Variants in BRINP1 observed in about 807,000 individuals in gnomAD.
The protein encoded by BRINP1 is BMP/retinoic acid-inducible neural-specific protein 1.
BRINP1 carries 17 observed loss-of-function variants against 72.9 expected under a neutral mutation model. The observed-to-expected ratio is 0.23, with a 90% CI of 0.16 to 0.35. The LOEUF is 0.35. Among genes scored for constraint, BRINP1 ranks in the 10% least tolerant of loss-of-function variants. BRINP1 has a pLI of 1.00. For synonymous variants in BRINP1, 418 were observed against 378.5 expected (o/e 1.10, Z -1.21); for missense variants, 850 against 1,001.6 (o/e 0.85, Z 2.04).
At chr9:119,271,506 TATTA>T (rs1246516038) in intron 2 of BRINP1, among the ~76,000 whole-genome samples, 3 of 152,132 alleles carry the variant, frequency 2.0e-5, no homozygotes, top group African/African-American at 7.2e-5. Flanking sequence ...TGTATTTATT[TATTA>T]TTTATAGGAG....
At chr9:119,238,824 G>T in intron 4 of BRINP1, 64 bp from the exon 5 acceptor site, 1 of 1,094,806 alleles carries the variant, frequency 9.1e-7, no homozygotes, top group South Asian at 1.4e-5. Flanking sequence ...ATACCCCAAA[G>T]AGTCATGCCC....
chr9:119,307,188 C>CTG, intron 2 of BRINP1, among the ~76,000 whole-genome samples: 1 of 151,768 alleles, frequency 6.6e-6, no homozygotes, highest in South Asian at 2.1e-4. Context: ...AGTTGGACAC[C>CTG]AAGAATCTCC....
intron 7 of BRINP1, among the ~76,000 whole-genome samples, chr9:119,189,868 A>G (rs1235430347): frequency 6.6e-6 from 1 of 152,106 alleles, no homozygotes; most frequent in Non-Finnish European, 1.5e-5. Flanking sequence ...AGCAGACTAT[A>G]CATTCATTTC....
At chr9:119,305,821 G>T (rs1037407328) in intron 2 of BRINP1, among the ~76,000 whole-genome samples, 1 of 152,260 alleles carries the variant, frequency 6.6e-6, no homozygotes, top group African/African-American at 2.4e-5. Context: ...TGAGGGAAGG[G>T]ATCAATGATT....
At chr9:119,337,719 A>G (rs1252110274) in intron 1 of BRINP1, among the ~76,000 whole-genome samples, 1 of 152,262 alleles carries the variant, frequency 6.6e-6, no homozygotes, top group Non-Finnish European at 1.5e-5. Context: ...TTACAGATAC[A>G]GAGCAGTTCC....
intron 2 of BRINP1, among the ~76,000 whole-genome samples, chr9:119,290,256 G>A (rs1830808511): frequency 6.6e-6 from 1 of 152,204 alleles, no homozygotes; most frequent in South Asian, 2.1e-4. Flanking sequence ...ATAAACAGTG[G>A]TGAATTATGC....
chr9:119,212,682 C>CT, intron 6 of BRINP1, among the ~76,000 whole-genome samples: 1 of 152,244 alleles, frequency 6.6e-6, no homozygotes, highest in East Asian at 1.9e-4. Flanking sequence ...GACAGGAATG[C>CT]TTTTTTGCAT....
At chr9:119,326,968 A>G (rs1831248017) in intron 1 of BRINP1, among the ~76,000 whole-genome samples, 1 of 152,156 alleles carries the variant, frequency 6.6e-6, no homozygotes, top group Non-Finnish European at 1.5e-5. Flanking sequence ...CAAGAGAAGC[A>G]TGTGAAATGG....
At chr9:119,346,642 G>A (rs1831455767) in intron 1 of BRINP1, among the ~76,000 whole-genome samples, 1 of 152,124 alleles carries the variant, frequency 6.6e-6, no homozygotes, top group South Asian at 2.1e-4. Flanking sequence ...AATTCCAACA[G>A]GCAGAGATTG....
chr9:119,292,786 A>G (rs775872027), intron 2 of BRINP1, among the ~76,000 whole-genome samples: 1 of 152,210 alleles, frequency 6.6e-6, no homozygotes, highest in South Asian at 2.1e-4. Flanking sequence ...ACACTCAATG[A>G]TGAGGGTTTT....
At chr9:119,317,269 G>T (rs1447072126) in intron 1 of BRINP1, among the ~76,000 whole-genome samples, 1 of 152,048 alleles carries the variant, frequency 6.6e-6, no homozygotes, top group Non-Finnish European at 1.5e-5. Flanking sequence ...AATATCAACG[G>T]TAACAGGAGT....
intron 5 of BRINP1, among the ~76,000 whole-genome samples, chr9:119,234,770 TATG>T (rs1196811367): frequency 1.3e-5 from 2 of 152,198 alleles, no homozygotes; most frequent in African/African-American, 2.4e-5. Context: ...ACTAGGAGAA[TATG>T]ATACTTCCTC....
chr9:119,352,324 T>C (rs1056825201), intron 1 of BRINP1, among the ~76,000 whole-genome samples: 1 of 152,228 alleles, frequency 6.6e-6, no homozygotes, highest in Non-Finnish European at 1.5e-5. Context: ...GTGCTACATA[T>C]GTATTTTTTT....
In BRINP1 at chr9:119,168,074, C is replaced by G; in HGVS notation, c.1296G>C (p.Gly432=). 1 of 1,610,354 alleles carries G rather than the reference C, an allele frequency of 6.2e-7. No individual in the cohort carries two copies. The highest frequency in any genetic ancestry group is 8.5e-7 in the Non-Finnish European group (1 of 1,177,710). ...CQRPIPCVIG[G]NNSCAMCSLA... ...GGCTGCACATGGCGCAGCTGTTGTTCCCGCCTATCACGCAGGGGATGGGGC... is the reference window on the plus strand; with the variant it reads ...GGCTGCACATGGCGCAGCTGTTGTTGCCGCCTATCACGCAGGGGATGGGGC... Residue 432 remains glycine, a synonymous_variant, in exon 8 of 8, where the codon GGG becomes GGC. Transcript: ENST00000265922.
intron 2 of BRINP1, among the ~76,000 whole-genome samples, chr9:119,288,783 TTTTTG>T (rs745983679): frequency 6.6e-6 from 1 of 151,954 alleles, no homozygotes; most frequent in African/African-American, 2.4e-5. Flanking sequence ...GTTTGTTTGT[TTTTTG>T]TTTTGTTTTG....
chr9:119,332,897 G>C (rs1371012302), intron 1 of BRINP1, among the ~76,000 whole-genome samples: 2 of 152,152 alleles, frequency 1.3e-5, no homozygotes, highest in Non-Finnish European at 2.9e-5. Context: ...TATATAACAA[G>C]TTTACGGTAA....
intron 2 of BRINP1, among the ~76,000 whole-genome samples, chr9:119,293,673 A>G (rs181413591): frequency 6.6e-6 from 1 of 152,364 alleles, no homozygotes; most frequent in East Asian, 1.9e-4. Context: ...TTACTACCTC[A>G]TATGAGACAT....
chr9:119,249,239 C>A, intron 2 of BRINP1, 89 bp from the exon 3 acceptor site: 3 of 1,286,812 alleles, frequency 2.3e-6, no homozygotes, highest in Non-Finnish European at 3.2e-6. Context: ...GGCATCTCTC[C>A]TTAAGTGGGA....
chr9:119,175,700 G>C (rs145463742), intron 7 of BRINP1, among the ~76,000 whole-genome samples: 1 of 152,080 alleles, frequency 6.6e-6, no homozygotes, highest in Non-Finnish European at 1.5e-5. Flanking sequence ...TATTCCATCA[G>C]ATAAGAAGCA....
Sources: allele counts gnomAD v4.1 joint callset (sites outside exome capture counted in the v4.1 genomes callset), GRCh38; gene constraint gnomAD v4.1.1; transcripts MANE v1.5; gene names NCBI Gene and HGNC (gene_info 2026-07-23, HGNC 2026-07-21).